The following TNFAIP8 variants were observed in gnomAD, a reference collection of about 807,000 sequenced individuals.
The protein encoded by TNFAIP8 is tumor necrosis factor alpha-induced protein 8.
TNFAIP8 carries 7 observed loss-of-function variants against 13.3 expected under a neutral mutation model. The ratio of observed to expected loss-of-function variants is 0.52; its 90% CI spans 0.30 to 0.99. The LOEUF is 0.99. Among genes scored for constraint, TNFAIP8 ranks in the 50% least tolerant of loss-of-function variants. The pLI, the probability that TNFAIP8 is intolerant of heterozygous loss-of-function variation, is 0.07. For synonymous variants in TNFAIP8, 94 were observed against 87.6 expected (o/e 1.07, Z -0.41); for missense variants, 258 against 236.9 (o/e 1.09, Z -0.58).
chr5:119,268,866 C>G (rs1410808365), exon 1 of TNFAIP8: 1 of 703,644 alleles, frequency 1.4e-6, no homozygotes, highest in Non-Finnish European at 2.6e-6. Context: ...AACAGCCCAG[C>G]TCGCGCTTCA....
intron 1 of TNFAIP8, among the ~76,000 whole-genome samples, chr5:119,373,584 A>G (rs935232716): frequency 3.3e-5 from 5 of 152,208 alleles, no homozygotes; most frequent in African/African-American, 9.7e-5. Context: ...CATGGGGGTT[A>G]GAGAGGTTTC....
At chr5:119,312,426 T>G (rs761670274) in intron 1 of TNFAIP8, among the ~76,000 whole-genome samples, 1 of 152,212 alleles carries the variant, frequency 6.6e-6, no homozygotes, top group African/African-American at 2.4e-5. Flanking sequence ...CTCACCATAT[T>G]TTAATTTTTA....
At chr5:119,369,521 G>A (rs1751997893) in intron 1 of TNFAIP8, among the ~76,000 whole-genome samples, 1 of 152,226 alleles carries the variant, frequency 6.6e-6, no homozygotes, top group South Asian at 2.1e-4. Flanking sequence ...AGTGAGGTGT[G>A]AGGACAGGCA....
chr5:119,391,815 G>C (rs1752903539), intron 1 of TNFAIP8, among the ~76,000 whole-genome samples: 1 of 150,966 alleles, frequency 6.6e-6, no homozygotes, highest in African/African-American at 2.4e-5. Context: ...AATTGTGGTA[G>C]AAGAAAAGTA....
At chr5:119,296,326 T>C (rs1269601146) in intron 1 of TNFAIP8, among the ~76,000 whole-genome samples, 2 of 152,056 alleles carry the variant, frequency 1.3e-5, no homozygotes. Flanking sequence ...TTGAGAGTTT[T>C]TAGCATGAAG....
intron 1 of TNFAIP8, among the ~76,000 whole-genome samples, chr5:119,344,326 T>A (rs1196188474): frequency 6.6e-6 from 1 of 152,132 alleles, no homozygotes; most frequent in Non-Finnish European, 1.5e-5. Flanking sequence ...AGCTCTCGCA[T>A]GAACTCATAG....
chr5:119,273,430 G>A (rs977614679), intron 1 of TNFAIP8, among the ~76,000 whole-genome samples: 5 of 151,476 alleles, frequency 3.3e-5, no homozygotes, highest in Admixed American at 2.0e-4. Context: ...CAGAGAATGG[G>A]GTGAATGTAG....
intron 1 of TNFAIP8, among the ~76,000 whole-genome samples, chr5:119,292,685 TAC>T (rs71591296): frequency 0.11 from 5,568 of 51,642 alleles, 1,520 homozygotes; most frequent in Non-Finnish European, 0.14. Flanking sequence ...TATATATATA[TAC>T]ACACACACAC....
At position 119,388,723 on chromosome 5, in the gene TNFAIP8, T is replaced by C. The variant is rs146156434; in HGVS notation, c.32-4093T>C. ...GCATGATTATAGCTCACTGCAGCTC[T>C]GTAGCCTTGAACTCCTGGGCTCGGG... is the stretch of plus-strand genomic sequence containing the variant. On this transcript the variant is annotated intron_variant, in intron 1 of 1. Transcript: ENST00000504771. Among the ~76,000 whole-genome samples, 1,376 of 152,192 alleles carry C rather than the reference T, an allele frequency of 9.0e-3. 24 individuals are homozygous for C. The highest frequency in any genetic ancestry group is 0.032 in the African/African-American group (1,323 of 41,526).
rs1160889431 is a variant in TNFAIP8, at chr5:119,394,082, C to T, written c.*701C>T. Reference sequence around the variant, plus strand: ...CAGAAATGTAATGGTGTGTCATTGCCTTGAAATGCTTGCTTAGGGCTTCTT... The same window carrying T: ...CAGAAATGTAATGGTGTGTCATTGCTTTGAAATGCTTGCTTAGGGCTTCTT... On this transcript the variant is annotated 3_prime_UTR_variant, in exon 2 of 2. Transcript: ENST00000504771. 2.0e-5 allele frequency: 3 copies of T among 152,142 alleles called. No individual in the cohort carries two copies. Among genetic ancestry groups the T allele is most frequent in the African/African-American group, 4.8e-5 (2 of 41,434 alleles). The allele number at this position is 152,142 out of a possible 1,614,324, so 9.4% of individuals were successfully genotyped here.
At chr5:119,335,011 G>A (rs566435181) in intron 1 of TNFAIP8, among the ~76,000 whole-genome samples, 3 of 152,266 alleles carry the variant, frequency 2.0e-5, no homozygotes, top group East Asian at 3.9e-4. Context: ...CTGTAAATTC[G>A]TGGTTGAAAA....
intron 1 of TNFAIP8, among the ~76,000 whole-genome samples, chr5:119,294,743 T>G (rs941719063): frequency 2.0e-5 from 3 of 152,154 alleles, no homozygotes; most frequent in African/African-American, 7.2e-5. Flanking sequence ...CTAACTGGTG[T>G]GAGATGGTAT....
chr5:119,324,402 C>T (rs1422127301), intron 1 of TNFAIP8, among the ~76,000 whole-genome samples: 5 of 150,712 alleles, frequency 3.3e-5, no homozygotes, highest in African/African-American at 9.7e-5. Context: ...CCTCTCAGAA[C>T]TCCTATCTTT....
intron 1 of TNFAIP8, among the ~76,000 whole-genome samples, chr5:119,388,371 C>T (rs1263064926): frequency 6.6e-6 from 1 of 152,156 alleles, no homozygotes; most frequent in Non-Finnish European, 1.5e-5. Flanking sequence ...TTACAACTCT[C>T]GTTTTACAGG....
chr5:119,377,133 G>T (rs1159304831), intron 1 of TNFAIP8, among the ~76,000 whole-genome samples: 3 of 152,186 alleles, frequency 2.0e-5, no homozygotes, highest in Non-Finnish European at 2.9e-5. Context: ...GCTGGGCCTG[G>T]TGGCTCATCC....
At chr5:119,348,059 C>T (rs1259700547) in intron 1 of TNFAIP8, among the ~76,000 whole-genome samples, 1 of 152,194 alleles carries the variant, frequency 6.6e-6, no homozygotes, top group Non-Finnish European at 1.5e-5. Flanking sequence ...AAGCTCTTAA[C>T]TGCTCAAATA....
intron 1 of TNFAIP8, among the ~76,000 whole-genome samples, chr5:119,310,998 C>G (rs1749712104): frequency 6.6e-6 from 1 of 152,036 alleles, no homozygotes; most frequent in South Asian, 2.1e-4. Flanking sequence ...TTTTGGTGTT[C>G]ATTTTATCTG....
intron 1 of TNFAIP8, among the ~76,000 whole-genome samples, chr5:119,336,495 C>T (rs181850124): frequency 5.3e-5 from 8 of 151,462 alleles, no homozygotes; most frequent in African/African-American, 2.0e-4. Context: ...ATAGAGGCCT[C>T]ATAACAAACA....
At chr5:119,299,765 G>A (rs952310634) in intron 1 of TNFAIP8, among the ~76,000 whole-genome samples, 2 of 152,238 alleles carry the variant, frequency 1.3e-5, no homozygotes, top group African/African-American at 4.8e-5. Flanking sequence ...GCTCCACCCA[G>A]TTCGAGCTTC....
Sources: allele counts gnomAD v4.1 joint callset (sites outside exome capture counted in the v4.1 genomes callset), GRCh38; gene constraint gnomAD v4.1.1; transcripts MANE v1.5; gene names NCBI Gene and HGNC (gene_info 2026-07-23, HGNC 2026-07-21).